NRCAM: variants seen among roughly 807,000 people sequenced by gnomAD.
The protein encoded by NRCAM is neuronal cell adhesion molecule, also known as NgCAM-related cell adhesion molecule.
In NRCAM, 83 loss-of-function variants were observed where a neutral mutation model predicts 156.5. The ratio of observed to expected loss-of-function variants is 0.53; its 90% CI spans 0.44 to 0.64. The LOEUF (loss-of-function observed/expected upper bound fraction) is 0.64. Among genes scored for constraint, NRCAM ranks in the 30% least tolerant of loss-of-function variants. The pLI is 0.00. For missense variants in NRCAM, 1,417 were observed against 1,597.3 expected (o/e 0.89, Z 1.92); for synonymous variants, 538 against 563.9 (o/e 0.95, Z 0.65).
At chr7:108,218,178 G>GT (rs1180136036) in intron 11 of NRCAM, among the ~76,000 whole-genome samples, 1 of 151,744 alleles carries the variant, frequency 6.6e-6, no homozygotes, top group African/African-American at 2.4e-5. Context: ...TTGGCTGGGG[G>GT]GGGGGGGGAG....
chr7:108,442,298 G>A (rs1030026897), intron 1 of NRCAM, among the ~76,000 whole-genome samples: 1 of 152,142 alleles, frequency 6.6e-6, no homozygotes, highest in Non-Finnish European at 1.5e-5. Context: ...CTGCCATTCT[G>A]TGATGGAGGA....
At chr7:108,446,020 G>A (rs1363119559) in intron 1 of NRCAM, among the ~76,000 whole-genome samples, 5 of 152,160 alleles carry the variant, frequency 3.3e-5, no homozygotes, top group Non-Finnish European at 5.9e-5. Context: ...CTCAGAAAGT[G>A]CTTAACTCAG....
intron 2 of NRCAM, among the ~76,000 whole-genome samples, chr7:108,353,680 G>A (rs558934032): frequency 1.1e-4 from 17 of 152,312 alleles, no homozygotes; most frequent in Non-Finnish European, 2.2e-4. Context: ...AAGTCTTCAT[G>A]AAAAGAAAGA....
chr7:108,431,471 G>A (rs1014767667), intron 1 of NRCAM, among the ~76,000 whole-genome samples: 41 of 152,184 alleles, frequency 2.7e-4, no homozygotes, highest in African/African-American at 9.4e-4. Flanking sequence ...AAAGAGCAGA[G>A]GACAGTAATG....
At chr7:108,225,730 G>T (rs755127615) in intron 9 of NRCAM, 29 bp from the exon 10 acceptor site, 3 of 1,428,152 alleles carry the variant, frequency 2.1e-6, no homozygotes, top group African/African-American at 1.4e-5. Flanking sequence ...TATGAAGAGG[G>T]CATAAAAGTG....
chr7:108,317,862 T>C (rs2098947138), intron 2 of NRCAM, among the ~76,000 whole-genome samples: 1 of 142,926 alleles, frequency 7.0e-6, no homozygotes, highest in African/African-American at 2.6e-5. Context: ...TGAGTTGAGA[T>C]GGCGCCATTG....
intron 1 of NRCAM, among the ~76,000 whole-genome samples, chr7:108,404,191 C>A (rs530084524): frequency 2.0e-5 from 3 of 152,158 alleles, no homozygotes; most frequent in African/African-American, 2.4e-5. Flanking sequence ...TAAAAAAGCA[C>A]GAGTGAATGT....
intron 13 of NRCAM, among the ~76,000 whole-genome samples, chr7:108,206,094 C>T (rs1056091023): frequency 3.3e-5 from 5 of 152,202 alleles, no homozygotes; most frequent in African/African-American, 7.2e-5. Context: ...AATACACTTC[C>T]TTCTACAGTG....
intron 3 of NRCAM, among the ~76,000 whole-genome samples, chr7:108,296,969 C>T (rs1031107657): frequency 1.3e-5 from 2 of 151,996 alleles, no homozygotes; most frequent in African/African-American, 4.8e-5. Flanking sequence ...GGGTACTAGG[C>T]AAAAAAATTA....
At chr7:108,221,580 C>T (rs1562803269) in intron 11 of NRCAM, among the ~76,000 whole-genome samples, 1 of 152,106 alleles carries the variant, frequency 6.6e-6, no homozygotes, top group Non-Finnish European at 1.5e-5. Flanking sequence ...GACTATTATT[C>T]TAAGTGAAGT....
intron 32 of NRCAM, among the ~76,000 whole-genome samples, chr7:108,156,072 A>G (rs1435460499): frequency 6.6e-6 from 1 of 152,090 alleles, no homozygotes; most frequent in Admixed American, 6.6e-5. Context: ...AGTAACATTC[A>G]TGACCCAAAT....
chr7:108,454,797 A>G lies in NRCAM; in HGVS notation c.-332+1446T>C, dbSNP rs988360505. Among the ~76,000 whole-genome samples, 5 of 152,166 alleles carry G rather than the reference A, an allele frequency of 3.3e-5. No homozygotes were observed. In the South Asian group the frequency reaches 6.2e-4, roughly 19 times the overall value. Reference sequence around the variant, plus strand: ...ACTTGGCTCCATCTCCTCCTGCAAAAGCCTGGGGCGAGGAAGAGCCCAGTC... The same window carrying G: ...ACTTGGCTCCATCTCCTCCTGCAAAGGCCTGGGGCGAGGAAGAGCCCAGTC... On this transcript the variant is annotated intron_variant, in intron 1 of 32. Coordinates refer to ENST00000379028, the MANE Select transcript of NRCAM (RefSeq NM_001037132.4).
chr7:108,191,965 C>A, intron 17 of NRCAM, 112 bp from the exon 18 acceptor site: 1 of 1,280,894 alleles, frequency 7.8e-7, no homozygotes, highest in Non-Finnish European at 1.1e-6. Flanking sequence ...AGATGGTAAA[C>A]ACTTTCAAAA....
At chr7:108,406,325 G>C (rs2099807455) in intron 1 of NRCAM, among the ~76,000 whole-genome samples, 1 of 152,288 alleles carries the variant, frequency 6.6e-6, no homozygotes, top group East Asian at 1.9e-4. Flanking sequence ...CATGTAATAA[G>C]AACAGACAAA....
intron 20 of NRCAM, among the ~76,000 whole-genome samples, chr7:108,188,966 C>A (rs1218509403): frequency 6.6e-6 from 1 of 150,782 alleles, no homozygotes; most frequent in Non-Finnish European, 1.5e-5. Flanking sequence ...ATTGTGTCTG[C>A]CTCTTAAGTA....
intron 30 of NRCAM, among the ~76,000 whole-genome samples, chr7:108,164,723 C>A (rs1379085553): frequency 6.6e-6 from 1 of 152,136 alleles, no homozygotes; most frequent in East Asian, 1.9e-4. Context: ...GCAGCATTTG[C>A]TCTTACAGGC....
intron 2 of NRCAM, among the ~76,000 whole-genome samples, chr7:108,326,759 T>C (rs2099073333): frequency 6.6e-6 from 1 of 152,184 alleles, no homozygotes; most frequent in African/African-American, 2.4e-5. Context: ...ACTGTAGATA[T>C]TAAGTTTGGG....
At chr7:108,184,090 A>T in intron 22 of NRCAM, 151 bp downstream of exon 22, 1 of 390,314 alleles carries the variant, frequency 2.6e-6, no homozygotes, top group Non-Finnish European at 4.4e-6. Flanking sequence ...ACTGCCTCTT[A>T]AGTAAAGATA....
At chr7:108,455,162 G>T (rs1855358338) in intron 1 of NRCAM, among the ~76,000 whole-genome samples, 1 of 152,150 alleles carries the variant, frequency 6.6e-6, no homozygotes. Context: ...ACACCGCTTT[G>T]GGAGAAATGA....
Sources: gnomAD v4.1 joint callset for allele counts (sites outside exome capture counted in the v4.1 genomes callset) on GRCh38, gnomAD v4.1.1 for gene constraint, MANE v1.5 for transcripts, NCBI Gene and HGNC (gene_info 2026-07-23, HGNC 2026-07-21) for gene names.